TMEM108: variants seen among roughly 807,000 people sequenced by gnomAD.
TMEM108 encodes transmembrane protein 108, also known as cancer/testis antigen 124.
Under a neutral mutation model 35.1 loss-of-function variants are expected in TMEM108, and 12 were observed. The observed-to-expected ratio is 0.34, with a 90% CI of 0.22 to 0.55. The LOEUF (loss-of-function observed/expected upper bound fraction) is 0.55, where lower values mean the gene tolerates loss of function less well. Among genes scored for constraint, TMEM108 ranks in the 20% least tolerant of loss-of-function variants. TMEM108 has a pLI of 0.89. For missense variants in TMEM108, 680 were observed against 753.3 expected (o/e 0.90, Z 1.14); for synonymous variants, 287 against 308.6 (o/e 0.93, Z 0.73).
chr3:133,388,497 A>G (rs1407278893), intron 4 of TMEM108: 19 of 985,336 alleles, frequency 1.9e-5, no homozygotes, highest in Non-Finnish European at 2.3e-5. Context: ...AGGGAGGGAA[A>G]GAGGAAAGAG....
chr3:133,106,891 G>A (rs1944159537), intron 2 of TMEM108, among the ~76,000 whole-genome samples: 1 of 152,204 alleles, frequency 6.6e-6, no homozygotes, highest in Admixed American at 6.5e-5. Flanking sequence ...ATCCTAACCT[G>A]CAGAAACTAT....
intron 2 of TMEM108, among the ~76,000 whole-genome samples, chr3:133,175,419 A>G (rs566217175): frequency 1.3e-4 from 20 of 152,338 alleles, no homozygotes; most frequent in African/African-American, 4.6e-4. Context: ...GGGCAGCCAG[A>G]GAGAAAGGTC....
chr3:133,152,265 T>A (rs1944812972), intron 2 of TMEM108, among the ~76,000 whole-genome samples: 1 of 152,224 alleles, frequency 6.6e-6, no homozygotes, highest in South Asian at 2.1e-4. Context: ...ACAATTGGTC[T>A]GCTGGGAATT....
intron 2 of TMEM108, among the ~76,000 whole-genome samples, chr3:133,160,623 T>C (rs1209427485): frequency 6.6e-6 from 1 of 152,216 alleles, no homozygotes; most frequent in African/African-American, 2.4e-5. Flanking sequence ...ACAGAAAAAT[T>C]GATGGAGCTT....
intron 2 of TMEM108, among the ~76,000 whole-genome samples, chr3:133,183,772 A>G (rs1332601161): frequency 1.3e-5 from 2 of 152,212 alleles, no homozygotes; most frequent in Non-Finnish European, 2.9e-5. Flanking sequence ...CTCAGTTTCC[A>G]TAGAGCTGGG....
chr3:133,209,208 A>AT (rs10685541), intron 2 of TMEM108, among the ~76,000 whole-genome samples: 3,201 of 144,508 alleles, frequency 0.022, 87 homozygotes, highest in African/African-American at 0.07. Context: ...CACCTGGCTA[A>AT]TTTTTTTTTT....
At chr3:133,145,054 A>G (rs982405849) in intron 2 of TMEM108, among the ~76,000 whole-genome samples, 1 of 152,142 alleles carries the variant, frequency 6.6e-6, no homozygotes, top group African/African-American at 2.4e-5. Context: ...TATGTCCTGA[A>G]TGGTATTGCC....
Position 133,380,477 on chromosome 3 carries a change from A to G in TMEM108, c.766A>G (p.Thr256Ala), listed in dbSNP as rs370377327. 66 of 1,613,764 alleles carry G rather than the reference A, an allele frequency of 4.1e-5. No individual in the cohort carries two copies. Among genetic ancestry groups the G allele is most frequent in the Non-Finnish European group, 4.7e-5 (56 of 1,179,964 alleles). The change falls in exon 4 of 6, where the codon ACC (threonine) becomes GCC (alanine). Residue 256 changes from threonine (T) to alanine (A), a missense_variant. Thr to Ala is a moderately conservative substitution (Grantham distance 58). This residue lies in a region of TMEM108 where 526 missense variants were observed against 532.1 expected (regional missense o/e 0.99). Transcript: ENST00000321871. This position sits in a 1 kb window ranked among gnomAD's most constrained non-coding sequence, Gnocchi z 5.3. ...ACCACAGCCCCAGACAGTGGCTGCG[A>G]CCACAGTGCCCAGCAATACCTCATG... ...SSPQPQTVAATTVPSNTSWAP... is the reference protein window; with the variant it reads ...SSPQPQTVAAATVPSNTSWAP...
chr3:133,180,953 A>G (rs1407004010), intron 2 of TMEM108, among the ~76,000 whole-genome samples: 1 of 143,322 alleles, frequency 7.0e-6, no homozygotes, highest in East Asian at 2.1e-4. Flanking sequence ...TCACACATAC[A>G]TCATTAATGC....
At chr3:133,250,882 C>T (rs1224239857) in intron 3 of TMEM108, among the ~76,000 whole-genome samples, 1 of 152,144 alleles carries the variant, frequency 6.6e-6, no homozygotes, top group African/African-American at 2.4e-5. Flanking sequence ...CTTTGCCTCT[C>T]ATTTTTCTTT....
intron 1 of TMEM108, among the ~76,000 whole-genome samples, chr3:133,041,359 C>T (rs1352008837): frequency 4.6e-5 from 7 of 152,114 alleles, no homozygotes. Context: ...CTTCACTTGG[C>T]TCATGTCACC....
chr3:133,118,147 T>TA (rs1402899135), intron 2 of TMEM108, among the ~76,000 whole-genome samples: 1 of 152,146 alleles, frequency 6.6e-6, no homozygotes, highest in Non-Finnish European at 1.5e-5. Flanking sequence ...GTAAAGTACT[T>TA]ACGCTAGGTT....
At chr3:133,229,946 G>C (rs1946128084) in intron 3 of TMEM108, among the ~76,000 whole-genome samples, 1 of 152,188 alleles carries the variant, frequency 6.6e-6, no homozygotes, top group African/African-American at 2.4e-5. Flanking sequence ...TTTGGGTATA[G>C]TGCCACAAAG....
intron 3 of TMEM108, among the ~76,000 whole-genome samples, chr3:133,327,759 G>T (rs914318661): frequency 6.6e-6 from 1 of 152,126 alleles, no homozygotes; most frequent in South Asian, 2.1e-4. Context: ...CATTTCTGTG[G>T]ATGGGCGGCA....
chr3:133,253,490 G>C (rs1395288402), intron 3 of TMEM108: 1 of 152,132 alleles, frequency 6.6e-6, no homozygotes, highest in Non-Finnish European at 1.5e-5. Context: ...AATGTCATCA[G>C]ATCTGCACAC....
chr3:133,262,092 C>T (rs1390487247), intron 3 of TMEM108, among the ~76,000 whole-genome samples: 1 of 152,180 alleles, frequency 6.6e-6, no homozygotes, highest in East Asian at 1.9e-4. Context: ...GGTTATAGCT[C>T]AGTTTAATAT....
At chr3:133,058,738 AT>A (rs11339803) in intron 2 of TMEM108, among the ~76,000 whole-genome samples, 60,513 of 151,702 alleles carry the variant, frequency 0.4, 12,792 homozygotes, top group Admixed American at 0.5. Flanking sequence ...ACTTATTAGA[AT>A]TTTTTTTTCC....
rs562757024 is a variant in TMEM108, at chr3:133,349,639, A to T, written c.41-30113A>T. Reference sequence around the variant, plus strand: ...TTAAATGAGCAAAAGACCTTCACAGACATTTCTCAAGATAAACAAATGGCC... The same window carrying T: ...TTAAATGAGCAAAAGACCTTCACAGTCATTTCTCAAGATAAACAAATGGCC... On this transcript the variant is annotated intron_variant, in intron 3 of 5. Transcript: ENST00000321871. Among the ~76,000 whole-genome samples the T allele has an allele frequency of 5.3e-5, 8 of 152,246 alleles. No individual in the cohort carries two copies. In the East Asian group the frequency reaches 1.3e-3, roughly 26 times the overall value.
chr3:133,391,564 C>T (rs1292986960), intron 5 of TMEM108, among the ~76,000 whole-genome samples: 1 of 152,210 alleles, frequency 6.6e-6, no homozygotes, highest in Non-Finnish European at 1.5e-5. Context: ...AACTTTCCAG[C>T]CTCACATCAC....
Sources: allele counts gnomAD v4.1 joint callset (sites outside exome capture counted in the v4.1 genomes callset), GRCh38; gene constraint gnomAD v4.1.1; regional missense constraint gnomAD v4.1.1; non-coding constraint Gnocchi (gnomAD v3.1); transcripts MANE v1.5; gene names NCBI Gene and HGNC (gene_info 2026-07-23, HGNC 2026-07-21).